Variants in TTC3 observed in about 807,000 individuals in gnomAD.
TTC3 encodes the protein tetratricopeptide repeat domain 3.
TTC3 carries 180 observed loss-of-function variants against 249.6 expected under a neutral mutation model. The observed-to-expected ratio is 0.72, with a 90% CI of 0.64 to 0.82. TTC3 has a LOEUF of 0.82. Ranked by LOEUF, TTC3 falls within the 40% of genes least tolerant of loss-of-function variation. The pLI, the probability that TTC3 is intolerant of heterozygous loss-of-function variation, is 0.00. For missense variants in TTC3, 2,061 were observed against 2,398.4 expected, an observed-to-expected ratio of 0.86 and a Z score of 2.94; for synonymous variants, 717 against 805.0, an observed-to-expected ratio of 0.89 and a Z score of 1.85.
intron 36 of TTC3, among the ~76,000 whole-genome samples, chr21:37,185,030 G>C (rs1317212820): frequency 6.6e-6 from 1 of 152,172 alleles, no homozygotes; most frequent in African/African-American, 2.4e-5. Context: ...GTGTCAGAGT[G>C]TCACCCAGTA....
chr21:37,138,956 T>G (rs2835622), intron 19 of TTC3, among the ~76,000 whole-genome samples: 5,917 of 152,254 alleles, frequency 0.039, 346 homozygotes, highest in African/African-American at 0.13. Flanking sequence ...TAATGTATCA[T>G]GATTGATAGA....
At chr21:37,124,061 C>T (rs2076845435) in intron 13 of TTC3, among the ~76,000 whole-genome samples, 1 of 146,560 alleles carries the variant, frequency 6.8e-6, no homozygotes. Flanking sequence ...AGCCACTGTG[C>T]CCAGCTGATA....
At chr21:37,190,211 G>A (rs536374931) in intron 39 of TTC3, among the ~76,000 whole-genome samples, 4 of 124,822 alleles carry the variant, frequency 3.2e-5, no homozygotes, top group Middle Eastern at 6.3e-3. Flanking sequence ...GCGTGATCTC[G>A]GCTCACTGCA....
At chr21:37,189,258 T>G (rs2083690743) in intron 39 of TTC3, among the ~76,000 whole-genome samples, 1 of 151,466 alleles carries the variant, frequency 6.6e-6, no homozygotes, top group Non-Finnish European at 1.5e-5. Context: ...TTTTGTTTGT[T>G]TTTTTGCGAC....
At chr21:37,199,968 T>G (rs564417629) in intron 44 of TTC3, among the ~76,000 whole-genome samples, 120 of 152,380 alleles carry the variant, frequency 7.9e-4, no homozygotes, top group African/African-American at 2.8e-3. Flanking sequence ...TATGGTAATC[T>G]TCACCTGGGG....
chr21:37,195,800 T>C, exon 42 of TTC3: 1 of 1,614,228 alleles, frequency 6.2e-7, no homozygotes. Context: ...CTGCTGGTGA[T>C]TCCCCAGGGG....
intron 11 of TTC3, among the ~76,000 whole-genome samples, chr21:37,109,419 G>T (rs1328017333): frequency 6.6e-6 from 1 of 152,312 alleles, no homozygotes; most frequent in East Asian, 1.9e-4. Flanking sequence ...ATTATATCCC[G>T]CACCTGGCTC....
At chr21:37,077,731 T>G (rs2146860859) in intron 1 of TTC3, among the ~76,000 whole-genome samples, 1 of 152,342 alleles carries the variant, frequency 6.6e-6, no homozygotes, top group Admixed American at 6.5e-5. Flanking sequence ...TTTGTTTCCT[T>G]TTTATGAAAT....
At chr21:37,144,676 A>G (rs1212804306) in intron 21 of TTC3, 31 bp downstream of exon 21, 2 of 1,597,400 alleles carry the variant, frequency 1.3e-6, no homozygotes, top group Non-Finnish European at 1.7e-6. Flanking sequence ...AGTGTTTCTT[A>G]CTGTGAATGC....
exon 1 of TTC3, chr21:37,073,362 C>T: frequency 1.0e-6 from 1 of 958,412 alleles, no homozygotes; most frequent in Non-Finnish European, 1.2e-6. Context: ...GCGGCGGGCC[C>T]GGGTGAGTGC....
chr21:37,082,482 A>G (rs1601241720), intron 1 of TTC3: 1 of 985,298 alleles, frequency 1.0e-6, no homozygotes, highest in East Asian at 1.1e-4. Flanking sequence ...CATTTCTATC[A>G]GCTTTGTCTG....
chr21:37,109,835 C>T (rs1162104096), intron 11 of TTC3, among the ~76,000 whole-genome samples: 1 of 152,242 alleles, frequency 6.6e-6, no homozygotes, highest in African/African-American at 2.4e-5. Flanking sequence ...TGACACCTCA[C>T]ACGGCCGGGT....
intron 9 of TTC3, among the ~76,000 whole-genome samples, chr21:37,095,690 C>G (rs1466973476): frequency 6.6e-6 from 1 of 152,212 alleles, no homozygotes; most frequent in African/African-American, 2.4e-5. Flanking sequence ...TTAAAACTTT[C>G]CAGTACAGAG....
intron 23 of TTC3, 100 bp from the exon 24 acceptor site, chr21:37,149,978 G>A (rs1359628839): frequency 2.3e-5 from 19 of 833,008 alleles, no homozygotes; most frequent in Non-Finnish European, 3.2e-5. Context: ...GTTTTAGTCC[G>A]TATTTTGACT....
At chr21:37,141,415 C>CCCG in intron 20 of TTC3, among the ~76,000 whole-genome samples, 1 of 151,578 alleles carries the variant, frequency 6.6e-6, no homozygotes, top group Non-Finnish European at 1.5e-5. Context: ...TGGGGAATCC[C>CCCG]CCCCCCAGCC....
intron 35 of TTC3, among the ~76,000 whole-genome samples, chr21:37,181,639 C>G (rs1022457026): frequency 2.0e-5 from 3 of 152,176 alleles, no homozygotes; most frequent in African/African-American, 7.2e-5. Flanking sequence ...TGTCCTGTGC[C>G]AAAATCAACC....
intron 44 of TTC3, 104 bp downstream of exon 44, chr21:37,198,129 A>G: frequency 7.4e-7 from 1 of 1,342,346 alleles, no homozygotes; most frequent in Non-Finnish European, 9.9e-7. Context: ...AATTTATTTG[A>G]TCCCAACATT....
chr21:37,195,630 C>T (rs1464507956), intron 41 of TTC3, 45 bp from the exon 42 acceptor site: 2 of 1,538,030 alleles, frequency 1.3e-6, no homozygotes, highest in African/African-American at 2.8e-5. Flanking sequence ...TTTCATCCTT[C>T]AAGGGAAGCC....
At chr21:37,135,450 G>A (rs1389056749) in exon 18 of TTC3, 6 of 1,614,056 alleles carry the variant, frequency 3.7e-6, no homozygotes, top group East Asian at 2.2e-5. Context: ...TTGGAGCAGC[G>A]TTGCCGCAGC....
Sources: allele counts gnomAD v4.1 joint callset (sites outside exome capture counted in the v4.1 genomes callset), GRCh38; gene constraint gnomAD v4.1.1; transcripts MANE v1.5; gene names NCBI Gene and HGNC (gene_info 2026-07-23, HGNC 2026-07-21).